PTPRD: variants seen among roughly 807,000 people sequenced by gnomAD.
The protein encoded by PTPRD is receptor-type tyrosine-protein phosphatase delta.
A neutral mutation model predicts 214.5 loss-of-function variants in PTPRD; 34 were observed. The ratio of observed to expected loss-of-function variants is 0.16; its 90% CI spans 0.12 to 0.21. The LOEUF (loss-of-function observed/expected upper bound fraction) is 0.21. Among genes scored for constraint, PTPRD ranks in the 10% least tolerant of loss-of-function variants. PTPRD has a pLI of 1.00. For missense variants in PTPRD, 2,545 were observed against 2,398.7 expected (o/e 1.06, Z -1.27); for synonymous variants, 1,128 against 845.7 (o/e 1.33, Z -5.79).
chr9:10,469,986 G>A lies in PTPRD; in HGVS notation c.-599-128969C>T, dbSNP rs144623522. Reference sequence around the variant, plus strand: ...TCATGAAGGTAGTCAATAGACTGGTGTTACCAGAGGCTGGGTAGGGTATTT... The same window carrying A: ...TCATGAAGGTAGTCAATAGACTGGTATTACCAGAGGCTGGGTAGGGTATTT... On this transcript the variant is annotated intron_variant, in intron 2 of 45. Transcript: ENST00000381196. 2.5e-3 allele frequency among the ~76,000 whole-genome samples: 376 copies of A among 152,026 alleles called. 3 individuals are homozygous for A. The highest frequency in any genetic ancestry group is 6.1e-3 in the Admixed American group (93 of 15,246).
intron 8 of PTPRD, among the ~76,000 whole-genome samples, chr9:9,464,013 T>G (rs898129043): frequency 3.9e-5 from 6 of 152,196 alleles, no homozygotes; most frequent in African/African-American, 1.2e-4. Context: ...TTCCACTCCC[T>G]AATTCCTGTT....
chr9:9,355,998 A>G (rs1270038102), intron 9 of PTPRD, among the ~76,000 whole-genome samples: 1 of 151,460 alleles, frequency 6.6e-6, no homozygotes, highest in Admixed American at 6.6e-5. Flanking sequence ...AGACTAGAGC[A>G]TTGGATTTAG....
intron 5 of PTPRD, among the ~76,000 whole-genome samples, chr9:9,865,063 C>G (rs10978044): frequency 0.091 from 13,774 of 152,064 alleles, 729 homozygotes; most frequent in South Asian, 0.17. Context: ...TTATTGTGTT[C>G]TAATTTTTCC....
At chr9:8,682,442 A>AC (rs937394297) in intron 12 of PTPRD, among the ~76,000 whole-genome samples, 4 of 152,280 alleles carry the variant, frequency 2.6e-5, no homozygotes, top group African/African-American at 9.6e-5. Flanking sequence ...TATCACACGT[A>AC]CCCCCAAAAT....
intron 11 of PTPRD, among the ~76,000 whole-genome samples, chr9:8,823,191 G>A (rs35506336): frequency 0.036 from 5,497 of 152,026 alleles, 127 homozygotes; most frequent in Admixed American, 0.052. Context: ...TTCTTTCTCA[G>A]GCTCCTTAGA....
At position 8,902,754 on chromosome 9, in the gene PTPRD, C is replaced by G. The variant is rs114699350; in HGVS notation, c.-104+115943G>C. ...AGGAAAAAAGAAAAATAAGCCTTGGCAAATCTGTCCAACACATGGTATACG... is the reference window on the plus strand; with the variant it reads ...AGGAAAAAAGAAAAATAAGCCTTGGGAAATCTGTCCAACACATGGTATACG... On this transcript the variant is annotated intron_variant, in intron 11 of 45. Coordinates refer to ENST00000381196, the MANE Select transcript of PTPRD (RefSeq NM_002839.4). Among the ~76,000 whole-genome samples, 223 of 152,258 alleles carry G rather than the reference C, an allele frequency of 1.5e-3. 1 individual carries two copies. The highest frequency in any genetic ancestry group is 5.1e-3 in the African/African-American group (211 of 41,552).
intron 2 of PTPRD, among the ~76,000 whole-genome samples, chr9:10,381,249 T>A (rs1488686823): frequency 1.3e-5 from 2 of 152,040 alleles, no homozygotes; most frequent in African/African-American, 4.8e-5. Context: ...TTTCTTTAGT[T>A]GTGAAGTAGT....
At chr9:10,226,344 G>A (rs1342637493) in intron 3 of PTPRD, among the ~76,000 whole-genome samples, 1 of 152,044 alleles carries the variant, frequency 6.6e-6, no homozygotes, top group East Asian at 1.9e-4. Context: ...GACCATGAGA[G>A]TGGAGAACAG....
rs2135666882 is a variant in PTPRD, at chr9:8,389,387, C to T, written c.4231G>A (p.Val1411Met). ...TACCCATCTATGTAGTTGGCATTCA[C>T]ATAGTCACTTCCTGGGATCCCTGGA... ...AIEGIPGSDY[V>M]NANYIDGYRK... is the part of the protein sequence containing the mutation. The change falls in exon 37 of 46, where the codon GTG (valine) becomes ATG (methionine). Residue 1411 changes from valine (V) to methionine (M), a missense_variant. Val to Met is a conservative substitution (Grantham distance 21). Coordinates refer to ENST00000381196, the MANE Select transcript of PTPRD (RefSeq NM_002839.4). 1 of 1,609,408 alleles carries T rather than the reference C, an allele frequency of 6.2e-7. No homozygotes were observed. The highest frequency in any genetic ancestry group is 8.5e-7 in the Non-Finnish European group (1 of 1,177,992).
At chr9:8,674,671 T>G (rs1176973175) in intron 12 of PTPRD, among the ~76,000 whole-genome samples, 1 of 152,076 alleles carries the variant, frequency 6.6e-6, no homozygotes, top group Non-Finnish European at 1.5e-5. Flanking sequence ...AACAGCACTT[T>G]TATAAAATCA....
At chr9:8,774,264 A>C (rs1297769206) in intron 11 of PTPRD, among the ~76,000 whole-genome samples, 1 of 152,098 alleles carries the variant, frequency 6.6e-6, no homozygotes, top group Non-Finnish European at 1.5e-5. Context: ...TATCTTTTTT[A>C]GGTAGCATAC....
At chr9:8,844,680 T>C (rs1222655594) in intron 11 of PTPRD, among the ~76,000 whole-genome samples, 1 of 152,180 alleles carries the variant, frequency 6.6e-6, no homozygotes, top group African/African-American at 2.4e-5. Flanking sequence ...AAGATGGGTA[T>C]AAATAATACA....
chr9:8,556,604 T>A (rs1368834850), intron 14 of PTPRD, among the ~76,000 whole-genome samples: 1 of 150,862 alleles, frequency 6.6e-6, no homozygotes, highest in Non-Finnish European at 1.5e-5. Context: ...TTAATTAATA[T>A]AACCACACAT....
At chr9:10,421,804 T>C (rs1314810970) in intron 2 of PTPRD, among the ~76,000 whole-genome samples, 1 of 151,846 alleles carries the variant, frequency 6.6e-6, no homozygotes, top group Middle Eastern at 3.2e-3. Context: ...TCTATAATCT[T>C]AGTTAATATA....
intron 7 of PTPRD, among the ~76,000 whole-genome samples, chr9:9,705,614 C>A (rs1291800655): frequency 6.6e-6 from 1 of 151,816 alleles, no homozygotes; most frequent in Non-Finnish European, 1.5e-5. Context: ...GAGTAATTCT[C>A]AACATTTCTC....
intron 5 of PTPRD, among the ~76,000 whole-genome samples, chr9:9,923,952 G>A (rs1258719668): frequency 6.6e-6 from 1 of 151,902 alleles, no homozygotes; most frequent in African/African-American, 2.4e-5. Context: ...GGCTAGAGGA[G>A]TGAAATCTAA....
chr9:9,312,470 G>T (rs1959371225), intron 9 of PTPRD, among the ~76,000 whole-genome samples: 1 of 152,096 alleles, frequency 6.6e-6, no homozygotes, highest in African/African-American at 2.4e-5. Context: ...ATGTATTTCT[G>T]GCATGGGGCT....
intron 3 of PTPRD, among the ~76,000 whole-genome samples, chr9:10,125,538 T>C (rs2098811550): frequency 6.6e-6 from 1 of 150,970 alleles, no homozygotes; most frequent in Admixed American, 6.6e-5. Context: ...CACTGCAAGC[T>C]CTGCCTCCCA....
In PTPRD at chr9:9,423,040, C is replaced by T. The variant is rs368845235; in HGVS notation, c.-236-25558G>A. On this transcript the variant is annotated intron_variant, in intron 8 of 45. Coordinates refer to ENST00000381196, the MANE Select transcript of PTPRD (RefSeq NM_002839.4). Reference sequence around the variant, plus strand: ...AAACCAGAACAAAGCTGAGTCTAGACTTTGAAAATTCTAAACCTCATCCTC... The same window carrying T: ...AAACCAGAACAAAGCTGAGTCTAGATTTTGAAAATTCTAAACCTCATCCTC... Among the ~76,000 whole-genome samples, 32 of 152,126 alleles carry T rather than the reference C, an allele frequency of 2.1e-4. 1 individual carries two copies. The highest frequency in any genetic ancestry group is 2.1e-3 in the Admixed American group (32 of 15,260).
Sources: allele counts gnomAD v4.1 joint callset (sites outside exome capture counted in the v4.1 genomes callset), GRCh38; gene constraint gnomAD v4.1.1; transcripts MANE v1.5; gene names NCBI Gene and HGNC (gene_info 2026-07-23, HGNC 2026-07-21).